The following KLHL2 variants were observed in gnomAD, a reference collection of about 807,000 sequenced individuals.
KLHL2 encodes the protein kelch-like protein 2.
In KLHL2, 15 loss-of-function variants were observed where a neutral mutation model predicts 75.8. The ratio of observed to expected loss-of-function variants is 0.20; its 90% CI spans 0.13 to 0.30. The LOEUF (loss-of-function observed/expected upper bound fraction) is 0.30, where lower values mean the gene tolerates loss of function less well. Among genes scored for constraint, KLHL2 ranks in the 10% least tolerant of loss-of-function variants. The probability of loss-of-function intolerance (pLI) is 1.00; values close to 1 mark genes in which losing one functional copy is unlikely to be tolerated. For missense variants in KLHL2, 381 were observed against 741.0 expected (o/e 0.51, Z 5.64); for synonymous variants, 214 against 251.9 (o/e 0.85, Z 1.42).
intron 4 of KLHL2, among the ~76,000 whole-genome samples, chr4:165,260,305 T>C (rs1741546835): frequency 6.6e-6 from 1 of 152,312 alleles, no homozygotes; most frequent in African/African-American, 2.4e-5. Context: ...TTATTTTATG[T>C]TTAGCATATA....
At position 165,263,178 on chromosome 4, in the gene KLHL2, A is replaced by G; in HGVS notation, c.382-19A>G. The G allele has an allele frequency of 1.9e-6, 3 of 1,611,470 alleles. No individual in the cohort carries two copies. Among genetic ancestry groups the G allele is most frequent in the Non-Finnish European group, 1.7e-6 (2 of 1,178,108 alleles). On this transcript the variant is annotated intron_variant, in intron 4 of 14. Transcript: ENST00000226725. ...TTTTTCCACCCAAGTGCCTAAGAATATTGATGTGTGTGTTGCAGGTACTTC... is the reference window on the plus strand; with the variant it reads ...TTTTTCCACCCAAGTGCCTAAGAATGTTGATGTGTGTGTTGCAGGTACTTC...
At chr4:165,317,742 G>T in intron 13 of KLHL2, 84 bp from the exon 14 acceptor site, 2 of 1,003,484 alleles carry the variant, frequency 2.0e-6, no homozygotes, top group Admixed American at 2.3e-5. Context: ...AGTGTCTCTG[G>T]ATTACCTCAC....
At chr4:165,270,123 C>G (rs1385806585) in intron 5 of KLHL2, among the ~76,000 whole-genome samples, 1 of 152,144 alleles carries the variant, frequency 6.6e-6, no homozygotes, top group African/African-American at 2.4e-5. Context: ...GCTATTGACG[C>G]TTGTGCATGA....
intron 4 of KLHL2, among the ~76,000 whole-genome samples, chr4:165,248,444 G>A (rs1310329163): frequency 6.6e-6 from 1 of 152,172 alleles, no homozygotes; most frequent in African/African-American, 2.4e-5. Context: ...ATCTGTAAAT[G>A]AGTAGGAGTG....
chr4:165,320,106 A>G (rs955959336), intron 14 of KLHL2, among the ~76,000 whole-genome samples: 1 of 151,774 alleles, frequency 6.6e-6, no homozygotes, highest in Non-Finnish European at 1.5e-5. Flanking sequence ...AAAGTTGTTG[A>G]GGAGAATGGA....
Position 165,310,616 on chromosome 4 carries a change from G to A in KLHL2, c.1103G>A (p.Arg368His), listed in dbSNP as rs963632421. The A allele has an allele frequency of 6.8e-6, 11 of 1,614,082 alleles. No individual in the cohort carries two copies. The highest frequency in any genetic ancestry group is 1.1e-5 in the South Asian group (1 of 91,086). Reference sequence around the variant, plus strand: ...GGCTTTAATGGCTCATTAAGAGTTCGCACTGTAGATTCCTACGACCCTGTG... The same window carrying A: ...GGCTTTAATGGCTCATTAAGAGTTCACACTGTAGATTCCTACGACCCTGTG... The part of the protein sequence containing the change: ...VGGFNGSLRV[R>H]TVDSYDPVKD... Residue 368 changes from arginine to histidine, a missense_variant, in exon 10 of 15, where the codon CGC becomes CAC. Physicochemically the swap from Arg to His is conservative, Grantham distance 29. Around this residue, in one of 5 missense-constraint regions of KLHL2, gnomAD observed 168 missense variants for 370.4 expected, o/e 0.45. Coordinates refer to ENST00000226725, the MANE Select transcript of KLHL2 (RefSeq NM_007246.4).
At chr4:165,320,115 G>A (rs1432074615) in intron 14 of KLHL2, among the ~76,000 whole-genome samples, 1 of 150,044 alleles carries the variant, frequency 6.7e-6, no homozygotes. Context: ...GAGGAGAATG[G>A]ATATCTGCCT....
chr4:165,268,584 C>T (rs1389782396), intron 5 of KLHL2, among the ~76,000 whole-genome samples: 1 of 152,196 alleles, frequency 6.6e-6, no homozygotes, highest in East Asian at 1.9e-4. Flanking sequence ...AGTAGTCATT[C>T]AGGAGCAGGT....
At position 165,238,796 on chromosome 4, in the gene KLHL2, G is replaced by A. The variant is rs768018618; in HGVS notation, c.278G>A (p.Arg93Gln). 16 of 1,613,830 alleles carry A rather than the reference G, an allele frequency of 9.9e-6. No homozygotes were observed. The highest frequency in any genetic ancestry group is 5.0e-5 in the Admixed American group (3 of 59,940). Residue 93 changes from arginine (R) to glutamine (Q), a missense_variant, in exon 4 of 15, where the codon CGA becomes CAA. By Grantham distance (43) the Arg-to-Gln change is conservative. This residue lies in a region of KLHL2 where 51 missense variants were observed against 101.3 expected (regional missense o/e 0.50). Transcript: ENST00000226725. ...AMFTGEMSES[R>Q]AKRVRIKEVD... ...GTTTTAGGTGAGATGAGTGAGAGCCGAGCAAAGAGAGTTAGAATAAAAGAG... is the reference window on the plus strand; with the variant it reads ...GTTTTAGGTGAGATGAGTGAGAGCCAAGCAAAGAGAGTTAGAATAAAAGAG...
chr4:165,302,574 G>A (rs1272792443), intron 8 of KLHL2, among the ~76,000 whole-genome samples: 1 of 151,990 alleles, frequency 6.6e-6, no homozygotes, highest in Non-Finnish European at 1.5e-5. Context: ...ATTGTATAAG[G>A]TATCCTTGGA....
chr4:165,220,309 GA>G (rs760827649), intron 2 of KLHL2, among the ~76,000 whole-genome samples: 3 of 151,962 alleles, frequency 2.0e-5, no homozygotes, highest in Non-Finnish European at 4.4e-5. Context: ...GTTTGGAGGT[GA>G]AAAATACACA....
Position 165,228,788 on chromosome 4 carries a change from C to G in KLHL2, c.153-19C>G, listed in dbSNP as rs1389827981. Reference sequence around the variant, plus strand: ...GTTGTTGATATCATTTAAATTTTTTCTCTCTGCTTTTTACACAGTCAAAAT... The same window carrying G: ...GTTGTTGATATCATTTAAATTTTTTGTCTCTGCTTTTTACACAGTCAAAAT... On this transcript the variant is annotated intron_variant, in intron 2 of 14. Transcript: ENST00000226725. The G allele has an allele frequency of 4.5e-6, 7 of 1,553,058 alleles. No homozygotes were observed. Among genetic ancestry groups the G allele is most frequent in the Non-Finnish European group, 5.3e-6 (6 of 1,129,306 alleles).
At position 165,323,122 on chromosome 4, in the gene KLHL2, A is replaced by G. The variant is rs1382126544; in HGVS notation, c.*1062A>G. 1.3e-5 allele frequency: 2 copies of G among 152,624 alleles called. No homozygotes were observed. Among genetic ancestry groups the G allele is most frequent in the Non-Finnish European group, 2.9e-5 (2 of 68,022 alleles). 9.5% of individuals were successfully genotyped at this position (152,624 alleles called of 1,614,324 possible). A position where few individuals can be genotyped will look rare whatever the true frequency, so the allele number is the denominator to read the frequency against. Reference sequence around the variant, plus strand: ...GACCAAAACATGTCTTTCTTGAATTAACTTTGAATAAAAGTTTGTATATTA... The same window carrying G: ...GACCAAAACATGTCTTTCTTGAATTGACTTTGAATAAAAGTTTGTATATTA... On this transcript the variant is annotated 3_prime_UTR_variant, in exon 15 of 15. Transcript: ENST00000226725.
At chr4:165,222,608 C>T (rs930493512) in intron 2 of KLHL2, among the ~76,000 whole-genome samples, 5 of 152,240 alleles carry the variant, frequency 3.3e-5, no homozygotes, top group African/African-American at 4.8e-5. Context: ...AATGGACTGT[C>T]GTTGGAGTTC....
intron 1 of KLHL2, among the ~76,000 whole-genome samples, chr4:165,218,814 TTAA>T (rs1203019846): frequency 3.3e-5 from 5 of 152,348 alleles, no homozygotes; most frequent in East Asian, 3.9e-4. Context: ...AGTGCAGCAA[TTAA>T]TAATGATGTT....
At chr4:165,268,222 G>A (rs1007300922) in intron 5 of KLHL2, among the ~76,000 whole-genome samples, 1 of 151,722 alleles carries the variant, frequency 6.6e-6, no homozygotes, top group Middle Eastern at 3.2e-3. Flanking sequence ...TATTAGTCTT[G>A]CTAGCAGTCT....
At chr4:165,296,378 C>T (rs1744911624) in intron 6 of KLHL2, among the ~76,000 whole-genome samples, 1 of 152,200 alleles carries the variant, frequency 6.6e-6, no homozygotes, top group Non-Finnish European at 1.5e-5. Context: ...TCTTACATGA[C>T]ATTTGGCTTC....
chr4:165,303,064 T>G (rs981501795), intron 8 of KLHL2, among the ~76,000 whole-genome samples: 1 of 152,194 alleles, frequency 6.6e-6, no homozygotes, highest in Non-Finnish European at 1.5e-5. Flanking sequence ...TATATAAATA[T>G]TCCTGCCTTC....
At chr4:165,260,660 T>A (rs1276087499) in intron 4 of KLHL2, among the ~76,000 whole-genome samples, 1 of 152,192 alleles carries the variant, frequency 6.6e-6, no homozygotes, top group Non-Finnish European at 1.5e-5. Context: ...TTATCTCATT[T>A]ATTAGTTTCC....
Sources: allele counts gnomAD v4.1 joint callset (sites outside exome capture counted in the v4.1 genomes callset), GRCh38; gene constraint gnomAD v4.1.1; regional missense constraint gnomAD v4.1.1; transcripts MANE v1.5; gene names NCBI Gene and HGNC (gene_info 2026-07-23, HGNC 2026-07-21).